Variants in ANPEP observed in about 807,000 individuals in gnomAD.
ANPEP encodes alanyl aminopeptidase, membrane.
A neutral mutation model predicts 114.6 loss-of-function variants in ANPEP; 70 were observed. The observed-to-expected ratio is 0.61, with a 90% CI of 0.50 to 0.75. The LOEUF is 0.75. Ranked by LOEUF, ANPEP falls within the 30% of genes least tolerant of loss-of-function variation. ANPEP has a pLI of 0.00. For synonymous variants in ANPEP, 548 were observed against 522.3 expected (o/e 1.05, Z -0.67); for missense variants, 1,184 against 1,259.5 (o/e 0.94, Z 0.91).
intron 15 of ANPEP, among the ~76,000 whole-genome samples, chr15:89,794,653 C>CA (rs199857480): frequency 0.029 from 2,788 of 97,724 alleles, 85 homozygotes; most frequent in African/African-American, 0.19. Context: ...CACCCCTCAC[C>CA]ACCCCATGAG....
intron 2 of ANPEP, 39 bp downstream of exon 2, chr15:89,805,931 C>G (rs147101289): frequency 7.7e-6 from 12 of 1,557,524 alleles, no homozygotes; most frequent in Non-Finnish European, 1.0e-5. Context: ...GCCTCAGCAC[C>G]TCGGATCCAC....
chr15:89,790,883 C>T (rs1301279053), intron 19 of ANPEP, 70 bp downstream of exon 19: 4 of 1,573,294 alleles, frequency 2.5e-6, no homozygotes, highest in Non-Finnish European at 3.5e-6. Context: ...CGTGTCTTAC[C>T]CGCACAGGCC....
chr15:89,791,181 T>C, intron 18 of ANPEP, 88 bp from the exon 19 acceptor site: 1 of 1,471,226 alleles, frequency 6.8e-7, no homozygotes, highest in Non-Finnish European at 9.3e-7. Flanking sequence ...CACCTATGCC[T>C]GCATCCTCTC....
rs1218196566 is a variant in ANPEP at position 89,805,449 on chromosome 15, G to A, written c.629C>T (p.Thr210Ile). 4 of 1,614,036 alleles carry A rather than the reference G, an allele frequency of 2.5e-6. No individual in the cohort carries two copies. The highest frequency in any genetic ancestry group is 3.4e-6 in the Non-Finnish European group (4 of 1,180,012). The change falls in exon 3 of 21, where the codon ACA becomes ATA. Residue 210 changes from threonine to isoleucine, a missense_variant. Thr to Ile is a moderately conservative substitution (Grantham distance 89). Coordinates refer to ENST00000300060, the MANE Select transcript of ANPEP (RefSeq NM_001150.3). ...EGNVRKVVATTQMQAADARKS... is the reference protein window; with the variant it reads ...EGNVRKVVATIQMQAADARKS... ...CCGGGCATCTGCAGCCTGCATCTGT[G>A]TAGTGGCCACCACCCTGCCCCAACA... is the stretch of plus-strand genomic sequence containing the variant.
chr15:89,785,124 A>C lies in ANPEP; in HGVS notation c.*225T>G. 1 of 538,016 alleles carries C rather than the reference A, an allele frequency of 1.9e-6. No homozygotes were observed. The allele number at this position is 538,016 out of a possible 1,614,324, so 33.3% of individuals were successfully genotyped here. ...GGGCGACAGGTGCCATGCCAGGCCT[A>C]GGGCGGGGTTGGCATGAGGGGCAGG... On this transcript the variant is annotated 3_prime_UTR_variant, in exon 21 of 21. Transcript: ENST00000300060.
At position 89,801,430 on chromosome 15, in the gene ANPEP, C is replaced by T. The variant is rs750515594; in HGVS notation, c.1742+5G>A. 1 of 1,613,898 alleles carries T rather than the reference C, an allele frequency of 6.2e-7. No individual in the cohort carries two copies. Among genetic ancestry groups the T allele is most frequent in the East Asian group, 2.2e-5 (1 of 44,872 alleles). Reference sequence around the variant, plus strand: ...GACCATGCCTCAGTGACCCCATCTGCTCACTTGAATTCTGAGGGGCGGGTA... The same window carrying T: ...GACCATGCCTCAGTGACCCCATCTGTTCACTTGAATTCTGAGGGGCGGGTA... On this transcript the variant is annotated splice_donor_5th_base_variant and intron_variant, in intron 11 of 20. Transcript: ENST00000300060.
At chr15:89,804,187 G>C in intron 6 of ANPEP, 66 bp downstream of exon 6, 5 of 1,601,058 alleles carry the variant, frequency 3.1e-6, no homozygotes, top group Non-Finnish European at 4.3e-6. Flanking sequence ...GGCAGAGCCT[G>C]GACTTGCGCC....
chr15:89,797,571 G>A lies in ANPEP; in HGVS notation c.2157+4C>T, dbSNP rs373454021. On this transcript the variant is annotated splice_donor_region_variant and intron_variant, in intron 15 of 20. Transcript: ENST00000300060. Reference sequence around the variant, plus strand: ...TTCTTGAACCCTACCATGCACCTCCGTACCTTCATGGGGCCATAGACCTCG... The same window carrying A: ...TTCTTGAACCCTACCATGCACCTCCATACCTTCATGGGGCCATAGACCTCG... 1.2e-5 allele frequency: 20 copies of A among 1,611,738 alleles called. No homozygotes were observed. The highest frequency in any genetic ancestry group is 1.6e-4 in the Middle Eastern group (1 of 6,070).
chr15:89,807,842 C>T (rs889776299), intron 1 of ANPEP, among the ~76,000 whole-genome samples: 2 of 152,128 alleles, frequency 1.3e-5, no homozygotes, highest in East Asian at 3.8e-4. Context: ...TGTCACTTTC[C>T]CCATCCACCA....
chr15:89,814,593 G>T (rs927954131), intron 1 of ANPEP, among the ~76,000 whole-genome samples, 179 bp downstream of exon 1: 2 of 152,218 alleles, frequency 1.3e-5, no homozygotes, highest in Non-Finnish European at 1.5e-5. Context: ...TCGGCCAAAA[G>T]AATTCTTCGC....
chr15:89,810,263 C>G (rs1894793850), intron 1 of ANPEP, among the ~76,000 whole-genome samples: 1 of 152,096 alleles, frequency 6.6e-6, no homozygotes, highest in Non-Finnish European at 1.5e-5. Flanking sequence ...CCCGTAATCC[C>G]AGCTACTCAG....
At position 89,801,497 on chromosome 15, in the gene ANPEP, G is replaced by T; in HGVS notation, c.1680C>A (p.Thr560=). 1 of 1,614,130 alleles carries T rather than the reference G, an allele frequency of 6.2e-7. No homozygotes were observed. Among genetic ancestry groups the T allele is most frequent in the Non-Finnish European group, 8.5e-7 (1 of 1,179,978 alleles). ...CAAGGAGGAAGTGCTCCTGGGAAAG[G>T]GTCCCCGTGCTGGTATCCACCGTGA... ...PVITVDTSTG[T]LSQEHFLLDP... The change falls in exon 11 of 21, where the codon ACC becomes ACA. Residue 560 remains threonine (T), a synonymous_variant. Transcript: ENST00000300060.
At position 89,803,606 on chromosome 15, in the gene ANPEP, C is replaced by A. The variant is rs1203501993; in HGVS notation, c.1437+41G>T. On this transcript the variant is annotated intron_variant, in intron 8 of 20. Transcript: ENST00000300060. This position sits in a 1 kb window ranked among gnomAD's most constrained non-coding sequence, Gnocchi z 4.2. ...TCAGTGAGGCCCCTCCAGGCCAAGT[C>A]CCCACCTCCTTCCCCGTGCCCCACG... The A allele has an allele frequency of 6.2e-7, 1 of 1,603,018 alleles. No homozygotes were observed. Among genetic ancestry groups the A allele is most frequent in the African/African-American group, 1.3e-5 (1 of 74,758 alleles).
intron 1 of ANPEP, among the ~76,000 whole-genome samples, chr15:89,812,776 G>C (rs1894838055): frequency 6.6e-6 from 1 of 152,090 alleles, no homozygotes; most frequent in Non-Finnish European, 1.5e-5. Flanking sequence ...TTTGCCCAAG[G>C]CCACACAGCT....
intron 15 of ANPEP, among the ~76,000 whole-genome samples, chr15:89,796,254 A>T (rs1331852755): frequency 6.6e-6 from 1 of 152,226 alleles, no homozygotes; most frequent in Non-Finnish European, 1.5e-5. Context: ...TGTGTGATAC[A>T]TTTGTAACTG....
Position 89,793,021 on chromosome 15 carries a change from G to A in ANPEP, c.2249+14C>T. On this transcript the variant is annotated intron_variant, in intron 16 of 20. Coordinates refer to ENST00000300060, the MANE Select transcript of ANPEP (RefSeq NM_001150.3). The stretch of plus-strand genomic sequence containing the variant: ...GTGCCCAGGACTTCCAAACCCATGA[G>A]AGCTCCCACTCACTGGTCCATCAGG... 6.2e-7 allele frequency: 1 copy of A among 1,610,832 alleles called. No individual in the cohort carries two copies. Among genetic ancestry groups the A allele is most frequent in the Non-Finnish European group, 8.5e-7 (1 of 1,177,012 alleles).
rs765889154 is a variant in ANPEP at position 89,805,355 on chromosome 15, C to T, written c.723G>A (p.Lys241=). The part of the protein sequence containing the change: ...AEFNITLIHP[K]DLTALSNMLP... ...GCATGTTGGACAGGGCTGTCAGGTC[C>T]TTGGGGTGGATAAGCGTGATGTTGA... is the stretch of plus-strand genomic sequence containing the variant. The change falls in exon 3 of 21, where the codon AAG becomes AAA. Residue 241 remains lysine (K), a synonymous_variant. Transcript: ENST00000300060. The T allele has an allele frequency of 3.1e-5, 50 of 1,614,026 alleles. No individual in the cohort carries two copies. The highest frequency in any genetic ancestry group is 3.3e-5 in the Admixed American group (2 of 59,986).
At chr15:89,785,530 C>G in intron 20 of ANPEP, 29 bp from the exon 21 acceptor site, 8 of 1,562,576 alleles carry the variant, frequency 5.1e-6, no homozygotes, top group African/African-American at 2.1e-5. Context: ...ATTCTCAGTC[C>G]GGCTGGGTCC....
chr15:89,794,029 A>G (rs900187499), intron 15 of ANPEP, among the ~76,000 whole-genome samples: 1 of 152,180 alleles, frequency 6.6e-6, no homozygotes, highest in Non-Finnish European at 1.5e-5. Flanking sequence ...AATAACAAAG[A>G]ACAGGAGAGG....
Sources: gnomAD v4.1 joint callset for allele counts (sites outside exome capture counted in the v4.1 genomes callset) on GRCh38, gnomAD v4.1.1 for gene constraint, Gnocchi (gnomAD v3.1) non-coding constraint, MANE v1.5 for transcripts, NCBI Gene and HGNC (gene_info 2026-07-23, HGNC 2026-07-21) for gene names.